Variants in KAT6B observed in about 807,000 individuals in gnomAD.
KAT6B encodes the protein lysine acetyltransferase 6B.
A neutral mutation model predicts 187.5 loss-of-function variants in KAT6B; 10 were observed. The ratio of observed to expected loss-of-function variants is 0.05; its 90% CI spans 0.03 to 0.09. The LOEUF is 0.09. Ranked by LOEUF, KAT6B falls within the 10% of genes least tolerant of loss-of-function variation. The pLI, the probability that KAT6B is intolerant of heterozygous loss-of-function variation, is 1.00. For synonymous variants in KAT6B, 861 were observed against 926.8 expected (o/e 0.93, Z 1.29); for missense variants, 1,952 against 2,558.9 (o/e 0.76, Z 5.12).
At chr10:75,007,074 A>T (rs1005028749) in intron 13 of KAT6B, among the ~76,000 whole-genome samples, 1 of 151,884 alleles carries the variant, frequency 6.6e-6, no homozygotes, top group Non-Finnish European at 1.5e-5. Flanking sequence ...TCTCAAAAAA[A>T]AAAAAAAAAG....
At chr10:74,868,934 C>T (rs570526652) in intron 3 of KAT6B, among the ~76,000 whole-genome samples, 2 of 152,324 alleles carry the variant, frequency 1.3e-5, no homozygotes, top group East Asian at 3.9e-4. Flanking sequence ...CTCTCAGGCT[C>T]ATGCTCCCTT....
intron 3 of KAT6B, among the ~76,000 whole-genome samples, chr10:74,847,520 C>T (rs189611323): frequency 2.2e-3 from 330 of 151,956 alleles, no homozygotes; most frequent in African/African-American, 6.8e-3. Flanking sequence ...CAAAAGTAGC[C>T]GGGCATGGTG....
At chr10:74,966,717 A>G (rs910659103) in intron 4 of KAT6B, among the ~76,000 whole-genome samples, 2 of 152,232 alleles carry the variant, frequency 1.3e-5, no homozygotes, top group Non-Finnish European at 2.9e-5. Flanking sequence ...ACGTGTCAAC[A>G]GAGAGAACAA....
At chr10:74,914,537 A>G (rs908305823) in intron 3 of KAT6B, among the ~76,000 whole-genome samples, 3 of 152,170 alleles carry the variant, frequency 2.0e-5, no homozygotes, top group African/African-American at 4.8e-5. Context: ...TTCTTCTGGA[A>G]ACTTTTAGGA....
chr10:75,006,453 T>TAGG (rs1844207584), intron 13 of KAT6B, among the ~76,000 whole-genome samples: 1 of 152,170 alleles, frequency 6.6e-6, no homozygotes, highest in Non-Finnish European at 1.5e-5. Flanking sequence ...ATTTTTTAAA[T>TAGG]TTTTAAAAAT....
chr10:75,031,440 G>A lies in KAT6B; in HGVS notation c.*394G>A, dbSNP rs1430657174. 2.9e-6 allele frequency: 1 copy of A among 339,516 alleles called. No individual in the cohort carries two copies. Among genetic ancestry groups the A allele is most frequent in the East Asian group, 4.8e-5 (1 of 20,874 alleles). The allele number at this position is 339,516 out of a possible 1,614,324, so 21.0% of individuals were successfully genotyped here. A position where few individuals can be genotyped will look rare whatever the true frequency, so the allele number is the denominator to read the frequency against. On this transcript the variant is annotated 3_prime_UTR_variant, in exon 18 of 18. Transcript: ENST00000287239. ...TTTTTCCCTTCCCTGTCCACTCCAT[G>A]TAAATGCCTTTAGCATTTCAGTTAT...
chr10:75,021,369 C>G lies in KAT6B; in HGVS notation c.3021+84C>G, dbSNP rs895124778. 10 of 1,438,112 alleles carry G rather than the reference C, an allele frequency of 7.0e-6. No homozygotes were observed. The East Asian group carries it at 2.3e-4, about 33-fold the overall frequency. The allele number at this position is 1,438,112 out of a possible 1,614,324, so 89.1% of individuals were successfully genotyped here. A position where few individuals can be genotyped will look rare whatever the true frequency, so the allele number is the denominator to read the frequency against. The stretch of plus-strand genomic sequence containing the variant: ...CTAAGAAAGTCATTAAGATCGTTGT[C>G]AAAAGCTTGGTTATGTAGAGATAGC... On this transcript the variant is annotated intron_variant, in intron 15 of 17. Transcript: ENST00000287239.
intron 3 of KAT6B, among the ~76,000 whole-genome samples, chr10:74,883,200 G>A (rs530154835): frequency 1.1e-4 from 17 of 152,226 alleles, no homozygotes; most frequent in African/African-American, 1.9e-4. Context: ...ACCACTTAAC[G>A]TTTTTCAGTA....
At chr10:74,943,389 C>A (rs545240173) in intron 3 of KAT6B, among the ~76,000 whole-genome samples, 71 of 152,292 alleles carry the variant, frequency 4.7e-4, no homozygotes, top group African/African-American at 1.7e-3. Context: ...GTTAGTACTT[C>A]CCAAACTGAT....
chr10:74,931,559 G>T (rs1407031541), intron 3 of KAT6B, among the ~76,000 whole-genome samples: 2 of 152,114 alleles, frequency 1.3e-5, no homozygotes, highest in African/African-American at 4.8e-5. Flanking sequence ...AAGTGTTCAA[G>T]TATTTCTTTA....
chr10:74,826,063 C>T (rs1456908745), upstream of KAT6B, among the ~76,000 whole-genome samples: 1 of 151,960 alleles, frequency 6.6e-6, no homozygotes, highest in Admixed American at 6.5e-5. Context: ...CCCGCCCGCG[C>T]CCACCCCTAA....
intron 4 of KAT6B, among the ~76,000 whole-genome samples, chr10:74,965,272 C>T (rs1841379808): frequency 6.6e-6 from 1 of 152,240 alleles, no homozygotes; most frequent in African/African-American, 2.4e-5. Flanking sequence ...CTTCTGGTCC[C>T]ATCCAATCAC....
At chr10:74,835,812 A>G (rs1841259591) in intron 1 of KAT6B, among the ~76,000 whole-genome samples, 1 of 152,110 alleles carries the variant, frequency 6.6e-6, no homozygotes, top group African/African-American at 2.4e-5. Context: ...CTTTTTTTTT[A>G]AACAATTTAT....
intron 3 of KAT6B, among the ~76,000 whole-genome samples, chr10:74,875,146 C>T (rs1180807387): frequency 6.6e-6 from 1 of 152,144 alleles, no homozygotes; most frequent in African/African-American, 2.4e-5. Context: ...ATAGTCATTT[C>T]AAGAACAAAA....
At chr10:74,940,577 G>GT (rs78026413) in intron 3 of KAT6B, among the ~76,000 whole-genome samples, 4,993 of 126,468 alleles carry the variant, frequency 0.039, 210 homozygotes, top group East Asian at 0.16. Context: ...CCCGGCCTTT[G>GT]TTTTTTTTTT....
intron 3 of KAT6B, among the ~76,000 whole-genome samples, chr10:74,915,268 G>A (rs1323070971): frequency 1.3e-5 from 2 of 152,024 alleles, no homozygotes; most frequent in African/African-American, 4.8e-5. Flanking sequence ...CATTCCATAG[G>A]CTGATAAATG....
chr10:74,831,818 G>T (rs1201913770), intron 1 of KAT6B, among the ~76,000 whole-genome samples: 1 of 152,194 alleles, frequency 6.6e-6, no homozygotes, highest in African/African-American at 2.4e-5. Context: ...CATTTTTACA[G>T]AAGAGAAAAC....
At chr10:74,846,915 TA>T (rs1228138298) in intron 3 of KAT6B, among the ~76,000 whole-genome samples, 2 of 152,236 alleles carry the variant, frequency 1.3e-5, no homozygotes, top group Non-Finnish European at 1.5e-5. Flanking sequence ...TTAGGCAATT[TA>T]ATAGTATGTT....
intron 4 of KAT6B, among the ~76,000 whole-genome samples, chr10:74,966,276 AAT>A (rs1248140015): frequency 6.6e-6 from 1 of 152,212 alleles, no homozygotes; most frequent in Admixed American, 6.5e-5. Context: ...TTTAAGGATT[AAT>A]GTGATTAGAT....
Sources: allele counts gnomAD v4.1 joint callset (sites outside exome capture counted in the v4.1 genomes callset), GRCh38; gene constraint gnomAD v4.1.1; transcripts MANE v1.5; gene names NCBI Gene and HGNC (gene_info 2026-07-23, HGNC 2026-07-21).